Variants in PLD5 observed in about 807,000 individuals in gnomAD.
The protein encoded by PLD5 is inactive phospholipase D5.
PLD5 carries 36 observed loss-of-function variants against 61.1 expected under a neutral mutation model. That is an observed-to-expected ratio of 0.59 (90% CI 0.45 to 0.78). The LOEUF (loss-of-function observed/expected upper bound fraction) is 0.78. PLD5 is among the 30% of genes least tolerant of loss of function. The probability of loss-of-function intolerance (pLI) is 0.00; values close to 1 mark genes in which losing one functional copy is unlikely to be tolerated. For synonymous variants in PLD5, 243 were observed against 242.8 expected (o/e 1.00, Z -0.01); for missense variants, 515 against 644.4 (o/e 0.80, Z 2.17).
intron 5 of PLD5, among the ~76,000 whole-genome samples, chr1:242,162,660 A>G (rs1665934549): frequency 6.6e-6 from 1 of 152,086 alleles, no homozygotes; most frequent in Non-Finnish European, 1.5e-5. Context: ...TTTCTAACAA[A>G]CATTGAGTTC....
chr1:242,418,905 A>G (rs1664974289), intron 1 of PLD5, among the ~76,000 whole-genome samples: 1 of 152,202 alleles, frequency 6.6e-6, no homozygotes, highest in African/African-American at 2.4e-5. Context: ...TGGAATAGTA[A>G]TCTCCAAATA....
intron 1 of PLD5, among the ~76,000 whole-genome samples, chr1:242,445,867 C>T (rs1572168511): frequency 6.7e-6 from 1 of 149,102 alleles, no homozygotes; most frequent in Non-Finnish European, 1.5e-5. Flanking sequence ...GATTTTCTTT[C>T]ACATCATCTC....
intron 4 of PLD5, among the ~76,000 whole-genome samples, chr1:242,228,676 G>T (rs1454635878): frequency 6.6e-6 from 1 of 151,620 alleles, no homozygotes; most frequent in Non-Finnish European, 1.5e-5. Flanking sequence ...GAGAGGGAGA[G>T]AGAGGAAGGT....
chr1:242,318,333 G>A (rs1476690637), intron 2 of PLD5, among the ~76,000 whole-genome samples: 4 of 152,116 alleles, frequency 2.6e-5, no homozygotes, highest in Non-Finnish European at 4.4e-5. Context: ...TTCCTCCTGC[G>A]GGAGGGGAGG....
intron 6 of PLD5, among the ~76,000 whole-genome samples, chr1:242,114,830 A>G (rs1661815370): frequency 6.6e-6 from 1 of 152,136 alleles, no homozygotes; most frequent in South Asian, 2.1e-4. Context: ...TAATTCAACA[A>G]TACAGTGAGT....
rs1469365211 is a variant in PLD5, at chr1:242,085,732, G to C, written c.*4122C>G. On this transcript the variant is annotated 3_prime_UTR_variant, in exon 10 of 10. Transcript: ENST00000536534. ...ATATGGGGCTGTTCGTAAGGACTGAGTTTGAATAAACAATAACAAAGTATC... is the reference window on the plus strand; with the variant it reads ...ATATGGGGCTGTTCGTAAGGACTGACTTTGAATAAACAATAACAAAGTATC... 6.6e-6 allele frequency: 1 copy of C among 152,206 alleles called. No homozygotes were observed. The highest frequency in any genetic ancestry group is 1.5e-5 in the Non-Finnish European group (1 of 68,034). The allele number at this position is 152,206 out of a possible 1,614,324, so 9.4% of individuals were successfully genotyped here. A position where few individuals can be genotyped will look rare whatever the true frequency, so the allele number is the denominator to read the frequency against.
intron 5 of PLD5, among the ~76,000 whole-genome samples, chr1:242,184,084 C>T (rs1186018585): frequency 6.6e-6 from 1 of 152,140 alleles, no homozygotes; most frequent in Non-Finnish European, 1.5e-5. Context: ...TTCAGCACTG[C>T]ACAGCTTTTC....
intron 1 of PLD5, among the ~76,000 whole-genome samples, chr1:242,461,782 T>C (rs1378627761): frequency 2.0e-5 from 3 of 152,232 alleles, no homozygotes; most frequent in Non-Finnish European, 4.4e-5. Context: ...TAATAGTCAT[T>C]CTGACTGGTG....
At chr1:242,143,015 G>T (rs1664288139) in intron 5 of PLD5, among the ~76,000 whole-genome samples, 1 of 150,690 alleles carries the variant, frequency 6.6e-6, no homozygotes, top group Admixed American at 6.6e-5. Flanking sequence ...ACCGTGCCTG[G>T]CCTCTTTTTT....
chr1:242,242,555 T>G (rs1181255185), intron 4 of PLD5, among the ~76,000 whole-genome samples: 1 of 152,212 alleles, frequency 6.6e-6, no homozygotes, highest in African/African-American at 2.4e-5. Flanking sequence ...CATGGGGCAC[T>G]CTGTCAAGAA....
intron 1 of PLD5, among the ~76,000 whole-genome samples, chr1:242,398,438 A>G (rs1663728385): frequency 6.6e-6 from 1 of 152,250 alleles, no homozygotes; most frequent in South Asian, 2.1e-4. Context: ...ATGATCACTC[A>G]GCCTATGGCA....
chr1:242,498,907 C>CAT (rs1668463265), intron 1 of PLD5, among the ~76,000 whole-genome samples: 1 of 152,140 alleles, frequency 6.6e-6, no homozygotes, highest in Non-Finnish European at 1.5e-5. Flanking sequence ...AATTTTTATG[C>CAT]ATATATAACC....
intron 6 of PLD5, among the ~76,000 whole-genome samples, chr1:242,123,528 C>T (rs1170374249): frequency 2.0e-5 from 3 of 152,108 alleles, no homozygotes; most frequent in Admixed American, 1.3e-4. Flanking sequence ...CACACATTCA[C>T]ACTCGCTCAC....
chr1:242,327,463 T>A (rs1658870404), intron 2 of PLD5, among the ~76,000 whole-genome samples: 1 of 152,228 alleles, frequency 6.6e-6, no homozygotes, highest in Non-Finnish European at 1.5e-5. Context: ...TGCAATTCCT[T>A]GTATTAGCCC....
intron 5 of PLD5, among the ~76,000 whole-genome samples, chr1:242,137,174 A>T (rs1169316502): frequency 6.6e-6 from 1 of 152,190 alleles, no homozygotes. Flanking sequence ...ATACCCAGCT[A>T]TCATCAGACA....
chr1:242,448,952 T>A (rs1262382991), intron 1 of PLD5, among the ~76,000 whole-genome samples: 2 of 152,192 alleles, frequency 1.3e-5, no homozygotes, highest in Non-Finnish European at 2.9e-5. Context: ...ATGAATGGAT[T>A]TTTACCGCCA....
At chr1:242,457,135 T>A (rs1428867181) in intron 1 of PLD5, among the ~76,000 whole-genome samples, 3 of 152,202 alleles carry the variant, frequency 2.0e-5, no homozygotes, top group Non-Finnish European at 4.4e-5. Flanking sequence ...GTGATGGGAA[T>A]TCCTAGTGAA....
At chr1:242,422,267 T>C (rs28534800) in intron 1 of PLD5, among the ~76,000 whole-genome samples, 28,334 of 151,974 alleles carry the variant, frequency 0.19, 3,287 homozygotes, top group African/African-American at 0.33. Context: ...AACTGCCAGA[T>C]TCATGGCAAA....
chr1:242,430,904 C>T (rs79500416), intron 1 of PLD5, among the ~76,000 whole-genome samples: 1,822 of 152,202 alleles, frequency 0.012, 39 homozygotes, highest in African/African-American at 0.041. Flanking sequence ...TGTCCTGCAG[C>T]GCCTCCTGAG....
Sources: allele counts gnomAD v4.1 joint callset (sites outside exome capture counted in the v4.1 genomes callset), GRCh38; gene constraint gnomAD v4.1.1; transcripts MANE v1.5; gene names NCBI Gene and HGNC (gene_info 2026-07-23, HGNC 2026-07-21).